Variants in FAT4 observed in about 807,000 individuals in gnomAD.
FAT4 encodes FAT atypical cadherin 4, also known as protocadherin Fat 4.
Under a neutral mutation model 303.9 loss-of-function variants are expected in FAT4, and 84 were observed. The observed-to-expected ratio is 0.28, with a 90% confidence interval of 0.23 to 0.33. FAT4 has a LOEUF of 0.33. FAT4 is among the 10% of genes least tolerant of loss of function. The pLI, the probability that FAT4 is intolerant of heterozygous loss-of-function variation, is 1.00. For synonymous variants in FAT4, 2,307 were observed against 2,298.8 expected (o/e 1.00, Z -0.10); for missense variants, 6,005 against 6,146.8 (o/e 0.98, Z 0.77).
At chr4:125,331,288 C>T (rs953878511) in intron 2 of FAT4, among the ~76,000 whole-genome samples, 2 of 152,134 alleles carry the variant, frequency 1.3e-5, no homozygotes, top group Non-Finnish European at 2.9e-5. Context: ...CATTGATAAG[C>T]TAAGGATTTA....
At chr4:125,477,096 A>G (rs1261690242) in intron 13 of FAT4, 59 bp from the exon 14 acceptor site, 30 of 1,259,284 alleles carry the variant, frequency 2.4e-5, no homozygotes, top group Non-Finnish European at 2.9e-5. Flanking sequence ...CGAACTAAAC[A>G]TTATACTAAA....
Position 125,319,160 on chromosome 4 carries a change from G to T in FAT4, c.2749G>T (p.Ala917Ser), listed in dbSNP as rs745840096. Residue 917 changes from alanine to serine, a missense_variant, in exon 2 of 18, where the codon GCT becomes TCT. By Grantham distance (99) the Ala-to-Ser change is moderately conservative. Transcript: ENST00000394329. ...AGGTCACAGCATTTTCCAGGCCAAA[G>T]CTGTGGACCCTGATGAAGGTGTCAA... ...QAGHSIFQAK[A>S]VDPDEGVNGM... 9 of 1,614,154 alleles carry T rather than the reference G, an allele frequency of 5.6e-6. No homozygotes were observed. Among genetic ancestry groups the T allele is most frequent in the Non-Finnish European group, 7.6e-6 (9 of 1,180,032 alleles).
intron 2 of FAT4, among the ~76,000 whole-genome samples, chr4:125,325,612 A>G (rs1439107502): frequency 6.6e-6 from 1 of 152,244 alleles, no homozygotes; most frequent in Non-Finnish European, 1.5e-5. Flanking sequence ...CACAATACCT[A>G]GGTACAGAGT....
rs1376126582 is a variant in FAT4 at position 125,316,386 on chromosome 4, T to C, written c.-12-14T>C. The C allele has an allele frequency of 1.3e-6, 2 of 1,570,872 alleles. No homozygotes were observed. Among genetic ancestry groups the C allele is most frequent in the South Asian group, 2.3e-5 (2 of 85,950 alleles). ...TTGCTTCACCCCTTCCTTCTCTTTA[T>C]CACATCGTTTTAGGGAGCCAGGACC... On this transcript the variant is annotated splice_polypyrimidine_tract_variant and intron_variant, in intron 1 of 17. Coordinates refer to ENST00000394329, the MANE Select transcript of FAT4 (RefSeq NM_001291303.3). The surrounding 1 kb of genome is among the most constrained non-coding windows in gnomAD (Gnocchi z 5.7).
rs1458879539 is a variant in FAT4, at chr4:125,490,360, C to A, written c.13544C>A (p.Ala4515Glu). Residue 4515 changes from alanine (A) to glutamate (E), a missense_variant, in exon 18 of 18, where the codon GCA (alanine) becomes GAA (glutamate). Coordinates refer to ENST00000394329, the MANE Select transcript of FAT4 (RefSeq NM_001291303.3). ...WAVPAIVGSC[A>E]TVLALLVLSL... ...GTGCCTGCCATCGTGGGCAGCTGCG[C>A]AACCGTCTTGGCCCTCCTGGTCCTT... The A allele has an allele frequency of 1.2e-6, 2 of 1,614,156 alleles. No homozygotes were observed. The highest frequency in any genetic ancestry group is 3.3e-5 in the Admixed American group (2 of 60,028).
At chr4:125,463,742 G>C (rs1400930473) in intron 11 of FAT4, 75 bp downstream of exon 11, 28 of 861,682 alleles carry the variant, frequency 3.2e-5, no homozygotes, top group Non-Finnish European at 4.5e-5. Flanking sequence ...GTTTTATTAT[G>C]AGTATGAAAG....
intron 2 of FAT4, among the ~76,000 whole-genome samples, chr4:125,357,560 T>A (rs988205417): frequency 9.9e-5 from 15 of 152,206 alleles, no homozygotes; most frequent in Admixed American, 2.0e-4. Context: ...CAGCTGTATT[T>A]GTTAACATTA....
intron 10 of FAT4, 141 bp downstream of exon 10, chr4:125,452,951 C>A: frequency 9.3e-7 from 1 of 1,080,424 alleles, no homozygotes; most frequent in Non-Finnish European, 1.3e-6. Flanking sequence ...TACTGTTGGT[C>A]AAATACTGTT....
chr4:125,403,126 A>G (rs1349606020), intron 3 of FAT4, among the ~76,000 whole-genome samples: 1 of 152,092 alleles, frequency 6.6e-6, no homozygotes, highest in Non-Finnish European at 1.5e-5. Context: ...TAAAATAACA[A>G]CTATCATTTT....
intron 2 of FAT4, among the ~76,000 whole-genome samples, chr4:125,392,842 G>T (rs944055665): frequency 6.6e-6 from 1 of 152,126 alleles, no homozygotes; most frequent in Non-Finnish European, 1.5e-5. Context: ...CAGAGACATT[G>T]TGTCTTAGGC....
chr4:125,440,610 TGA>T lies in FAT4; in HGVS notation c.7200-5650_7200-5649del, dbSNP rs1553925990. On this transcript the variant is annotated intron_variant, in intron 8 of 17. Coordinates refer to ENST00000394329, the MANE Select transcript of FAT4 (RefSeq NM_001291303.3). ...GTGTGTGTGTGTGTGTGTGTGTGTG[TGA>T]GAGAGAGAGAGAGAGAGAGAGAGAG... 3.1e-3 allele frequency among the ~76,000 whole-genome samples: 233 copies of T among 75,750 alleles called. 1 individual carries two copies. The highest frequency in any genetic ancestry group is 0.012 in the African/African-American group (202 of 17,266). The allele number at this position is 75,750 out of a possible 152,430, so 49.7% of individuals were successfully genotyped here.
At chr4:125,418,552 C>A (rs1455015198) in intron 7 of FAT4, among the ~76,000 whole-genome samples, 1 of 152,016 alleles carries the variant, frequency 6.6e-6, no homozygotes, top group Non-Finnish European at 1.5e-5. Context: ...ATTACAAAAC[C>A]GGAAGAGGGT....
intron 2 of FAT4, among the ~76,000 whole-genome samples, chr4:125,390,932 C>A (rs28540873): frequency 0.038 from 5,859 of 152,242 alleles, 375 homozygotes; most frequent in African/African-American, 0.13. Flanking sequence ...CTCAACATCA[C>A]TGATAATCAG....
chr4:125,449,820 A>G lies in FAT4; in HGVS notation c.8810A>G (p.Tyr2937Cys), dbSNP rs1725980756. The change falls in exon 10 of 18, where the codon TAC becomes TGC. Residue 2937 changes from tyrosine (Y) to cysteine (C), a missense_variant. Physicochemically the swap from Tyr to Cys is radical, Grantham distance 194. Coordinates refer to ENST00000394329, the MANE Select transcript of FAT4 (RefSeq NM_001291303.3). ...GEIFNKQILK[Y>C]QNVTGFSNVN... ...ATTTTCAATAAACAGATCTTAAAAT[A>G]CCAAAATGTCACTGGCTTCAGTAAT... 1.2e-6 allele frequency: 2 copies of G among 1,613,934 alleles called. No individual in the cohort carries two copies. Among genetic ancestry groups the G allele is most frequent in the Non-Finnish European group, 1.7e-6 (2 of 1,179,908 alleles).
intron 2 of FAT4, among the ~76,000 whole-genome samples, chr4:125,396,313 A>C (rs1196021499): frequency 6.6e-6 from 1 of 152,096 alleles, no homozygotes; most frequent in Non-Finnish European, 1.5e-5. Flanking sequence ...TAACCTAAAA[A>C]AATCAGGTAT....
At chr4:125,382,627 G>A (rs949711284) in intron 2 of FAT4, among the ~76,000 whole-genome samples, 1 of 152,134 alleles carries the variant, frequency 6.6e-6, no homozygotes, top group Non-Finnish European at 1.5e-5. Flanking sequence ...TAAAAGATCA[G>A]TGGCTTCAGC....
intron 4 of FAT4, among the ~76,000 whole-genome samples, 179 bp downstream of exon 4, chr4:125,407,320 C>T (rs906236270): frequency 1.3e-5 from 2 of 152,050 alleles, no homozygotes; most frequent in Non-Finnish European, 2.9e-5. Flanking sequence ...AATTCTCAAG[C>T]AAATGGCTAA....
intron 11 of FAT4, among the ~76,000 whole-genome samples, chr4:125,465,493 T>G (rs1026502436): frequency 2.6e-5 from 4 of 152,184 alleles, no homozygotes; most frequent in Admixed American, 1.3e-4. Context: ...GATGTTCATA[T>G]TTTTAGGGAT....
rs1447514638 is a variant in FAT4 at position 125,451,798 on chromosome 4, G to A, written c.10788G>A (p.Met3596Ile). The A allele has an allele frequency of 3.1e-6, 5 of 1,614,156 alleles. No individual in the cohort carries two copies. The highest frequency in any genetic ancestry group is 4.2e-6 in the Non-Finnish European group (5 of 1,180,018). Residue 3596 changes from methionine to isoleucine, a missense_variant, in exon 10 of 18, where the codon ATG (methionine) becomes ATA (isoleucine). Transcript: ENST00000394329. ...CCAAGGATTCTGGTGTTCCTCAAAT[G>A]TCTTCCACAGGAACTGTGCATATCA... Reference protein sequence around the residue: ...VVTKDSGVPQMSSTGTVHITV... With the variant: ...VVTKDSGVPQISSTGTVHITV...
Sources: gnomAD v4.1 joint callset for allele counts (sites outside exome capture counted in the v4.1 genomes callset) on GRCh38, gnomAD v4.1.1 for gene constraint, Gnocchi (gnomAD v3.1) non-coding constraint, MANE v1.5 for transcripts, NCBI Gene and HGNC (gene_info 2026-07-23, HGNC 2026-07-21) for gene names.